Variants in FCGR1A observed in about 807,000 individuals in gnomAD.
FCGR1A encodes high affinity immunoglobulin gamma Fc receptor I.
A neutral mutation model predicts 35.0 loss-of-function variants in FCGR1A; 13 were observed. The observed-to-expected ratio is 0.37, with a 90% confidence interval of 0.24 to 0.59. The LOEUF (loss-of-function observed/expected upper bound fraction) is 0.59. Among genes scored for constraint, FCGR1A ranks in the 20% least tolerant of loss-of-function variants. The pLI is 0.71. For synonymous variants in FCGR1A, 91 were observed against 164.7 expected (o/e 0.55, Z 3.43); for missense variants, 227 against 430.0 (o/e 0.53, Z 4.17).
At position 149,791,518 on chromosome 1, in the gene FCGR1A, C is replaced by A. The variant is rs1394795865; in HGVS notation, c.*1C>A. ...GAAGGAGCCCCAGGGGGCCACGTAG[C>A]AGCGGCTCAGTGGGTGGCCATCGAT... On this transcript the variant is annotated 3_prime_UTR_variant, in exon 6 of 6. Transcript: ENST00000369168. The A allele has an allele frequency of 6.2e-7, 1 of 1,610,456 alleles. No individual in the cohort carries two copies. The highest frequency in any genetic ancestry group is 8.5e-7 in the Non-Finnish European group (1 of 1,179,554).
downstream of FCGR1A, chr1:149,793,097 C>A (rs1456820270): frequency 1.2e-5 from 15 of 1,274,298 alleles, no homozygotes; most frequent in Non-Finnish European, 1.3e-5. Context: ...TGCCGCCAAG[C>A]CCCGGGGATG....
downstream of FCGR1A, chr1:149,791,714 G>T: frequency 1.5e-6 from 1 of 671,086 alleles, no homozygotes; most frequent in Non-Finnish European, 2.5e-6. Flanking sequence ...GACTTGAAAT[G>T]AGGCCTACTC....
chr1:149,793,182 G>A, downstream of FCGR1A: 1 of 1,278,628 alleles, frequency 7.8e-7, no homozygotes, highest in Non-Finnish European at 1.0e-6. Context: ...CGGGAGGACG[G>A]CGCTGGGCTC....
At chr1:149,787,601 AC>A in intron 3 of FCGR1A, 1 of 152,476 alleles carries the variant, frequency 6.6e-6, no homozygotes, top group African/African-American at 2.4e-5. Flanking sequence ...TTGCTGTGTA[AC>A]AAATTTAGCA....
At chr1:149,789,699 A>G (rs1181803098) in intron 4 of FCGR1A, among the ~76,000 whole-genome samples, 4 of 152,130 alleles carry the variant, frequency 2.6e-5, no homozygotes, top group Non-Finnish European at 5.9e-5. Flanking sequence ...CATGAACCCT[A>G]TTGTGAATTG....
chr1:149,797,752 G>A, the FCGR1A span, among the ~76,000 whole-genome samples: 1 of 152,112 alleles, frequency 6.6e-6, no homozygotes, highest in Non-Finnish European at 1.5e-5. Context: ...CGTGCACCAC[G>A]ACATCCAGCT....
At chr1:149,784,295 A>C in intron 3 of FCGR1A, 38 bp downstream of exon 3, 15 of 1,609,566 alleles carry the variant, frequency 9.3e-6, no homozygotes, top group Non-Finnish European at 1.3e-5. Context: ...GGAAACCACA[A>C]GGTCTTCCTC....
the FCGR1A span, among the ~76,000 whole-genome samples, chr1:149,799,479 T>C: frequency 6.6e-6 from 1 of 151,800 alleles, no homozygotes; most frequent in Non-Finnish European, 1.5e-5. Flanking sequence ...TCCTGTGAAA[T>C]ATCCTCCTTT....
At chr1:149,795,814 C>T (rs1368553138), downstream of FCGR1A, among the ~76,000 whole-genome samples, 2 of 151,762 alleles carry the variant, frequency 1.3e-5, 1 homozygote, top group African/African-American at 4.9e-5. Flanking sequence ...AGATGCAAAC[C>T]TGCTGAGCCA....
At chr1:149,793,727 GTTCTTCACC>G (rs201166461), downstream of FCGR1A, among the ~76,000 whole-genome samples, 8,075 of 151,808 alleles carry the variant, frequency 0.053, 319 homozygotes, top group Non-Finnish European at 0.081. Flanking sequence ...GTTAGGGGTC[GTTCTTCACC>G]TTCCAGGCTG....
the FCGR1A span, among the ~76,000 whole-genome samples, chr1:149,800,006 G>T: frequency 6.6e-6 from 1 of 151,902 alleles, no homozygotes; most frequent in Admixed American, 6.6e-5. Context: ...CTACCAGACT[G>T]CCCCCACTTC....
At chr1:149,790,439 G>A in intron 5 of FCGR1A, 101 bp downstream of exon 5, 1 of 1,539,318 alleles carries the variant, frequency 6.5e-7, no homozygotes, top group Non-Finnish European at 8.8e-7. Context: ...AGACAGGAGG[G>A]GAAAGTCTCT....
chr1:149,792,978 C>T (rs1553752283), downstream of FCGR1A: 1 of 1,276,926 alleles, frequency 7.8e-7, no homozygotes, highest in South Asian at 1.3e-5. Context: ...CTGCGAGGGC[C>T]CGCGGCCTCC....
rs1443104333 is a variant in FCGR1A at position 149,791,321 on chromosome 1, G to A, written c.929G>A (p.Trp310Ter). Residue 310 changes from tryptophan to a stop codon, truncating the protein, a stop_gained, in exon 6 of 6, where the codon TGG (tryptophan) becomes TAG (stop). Transcript: ENST00000369168. LOFTEE classifies it high-confidence loss of function. ...GIMFLVNTVL[W>*]VTIRKELKRK... Reference sequence around the variant, plus strand: ...ATGTTTTTAGTGAACACTGTTCTCTGGGTGACAATACGTAAAGAACTGAAA... The same window carrying A: ...ATGTTTTTAGTGAACACTGTTCTCTAGGTGACAATACGTAAAGAACTGAAA... 14 of 1,596,176 alleles carry A rather than the reference G, an allele frequency of 8.8e-6. 1 individual carries two copies. Among genetic ancestry groups the A allele is most frequent in the Non-Finnish European group, 1.0e-5 (12 of 1,171,568 alleles).
chr1:149,790,316 T>C lies in FCGR1A; in HGVS notation c.822T>C (p.Pro274=), dbSNP rs1553751616. Residue 274 remains proline (P), a synonymous_variant, in exon 5 of 6, where the codon CCT becomes CCC. Transcript: ENST00000369168. ...ATGGAAATGTCCTTAAGCGCAGCCC[T>C]GAGTTGGAGCTTCAAGTGCTTGGTG... is the stretch of plus-strand genomic sequence containing the variant. ...TEDGNVLKRS[P]ELELQVLGLQ... 3 of 1,588,802 alleles carry C rather than the reference T, an allele frequency of 1.9e-6. No individual in the cohort carries two copies. Among genetic ancestry groups the C allele is most frequent in the Non-Finnish European group, 1.7e-6 (2 of 1,167,688 alleles).
At chr1:149,799,804 G>A in the FCGR1A span, among the ~76,000 whole-genome samples, 1 of 152,246 alleles carries the variant, frequency 6.6e-6, no homozygotes. Context: ...TGATCATCAT[G>A]AGGACGGAGA....
chr1:149,788,668 C>T lies in FCGR1A; in HGVS notation c.559+51C>T, dbSNP rs370912438. ...CTGATAGTCCCTCCCCCTGAGGGACCATCATAAATATTCTAAACTCCTCAC... is the reference window on the plus strand; with the variant it reads ...CTGATAGTCCCTCCCCCTGAGGGACTATCATAAATATTCTAAACTCCTCAC... On this transcript the variant is annotated intron_variant, in intron 4 of 5. Transcript: ENST00000369168. 1,631 of 1,538,554 alleles carry T rather than the reference C, an allele frequency of 1.1e-3. 12 individuals are homozygous for T. In the African/African-American group the frequency reaches 0.019, roughly 18 times the overall value.
At chr1:149,799,839 C>A in the FCGR1A span, among the ~76,000 whole-genome samples, 2 of 152,182 alleles carry the variant, frequency 1.3e-5, no homozygotes, top group Non-Finnish European at 2.9e-5. Flanking sequence ...GTTTCCTGTG[C>A]TTTCACACTA....
chr1:149,797,541 T>C, the FCGR1A span, among the ~76,000 whole-genome samples: 1 of 152,238 alleles, frequency 6.6e-6, no homozygotes, highest in Non-Finnish European at 1.5e-5. Context: ...TTTCATTGAC[T>C]ATGCTTTCAT....
Sources: allele counts gnomAD v4.1 joint callset (sites outside exome capture counted in the v4.1 genomes callset), GRCh38; gene constraint gnomAD v4.1.1; transcripts MANE v1.5; gene names NCBI Gene and HGNC (gene_info 2026-07-23, HGNC 2026-07-21).